Variants in HSD17B12 observed in about 807,000 individuals in gnomAD.
HSD17B12 encodes hydroxysteroid 17-beta dehydrogenase 12.
A neutral mutation model predicts 39.3 loss-of-function variants in HSD17B12; 32 were observed. That is an observed-to-expected ratio of 0.81 (90% CI 0.61 to 1.09). The LOEUF (loss-of-function observed/expected upper bound fraction) is 1.09. Ranked by LOEUF, HSD17B12 falls within the 50% of genes least tolerant of loss-of-function variation. The probability of loss-of-function intolerance (pLI) is 0.00; values close to 1 mark genes in which losing one functional copy is unlikely to be tolerated. For synonymous variants in HSD17B12, 150 were observed against 146.7 expected (o/e 1.02, Z -0.16); for missense variants, 342 against 382.9 (o/e 0.89, Z 0.89).
the HSD17B12 span, among the ~76,000 whole-genome samples, chr11:43,584,409 G>T: frequency 6.6e-6 from 1 of 152,176 alleles, no homozygotes; most frequent in African/African-American, 2.4e-5. Context: ...TCCATGCCTT[G>T]GTAGCTCTTG....
At chr11:43,567,384 A>G in the HSD17B12 span, among the ~76,000 whole-genome samples, 1 of 152,184 alleles carries the variant, frequency 6.6e-6, no homozygotes, top group Admixed American at 6.5e-5. Context: ...CATGGGACTC[A>G]AGATGTCTCT....
At chr11:43,571,932 C>T in the HSD17B12 span, among the ~76,000 whole-genome samples, 2 of 152,306 alleles carry the variant, frequency 1.3e-5, no homozygotes, top group African/African-American at 4.8e-5. Context: ...CTACCCCCAC[C>T]GTGCTAATGG....
chr11:43,566,542 T>A, the HSD17B12 span, among the ~76,000 whole-genome samples: 1 of 152,174 alleles, frequency 6.6e-6, no homozygotes, highest in Non-Finnish European at 1.5e-5. Flanking sequence ...AACTTTTTTT[T>A]TTTTTTAGAT....
intron 1 of HSD17B12, among the ~76,000 whole-genome samples, chr11:43,743,790 G>A (rs1236085644): frequency 2.0e-5 from 3 of 152,128 alleles, no homozygotes; most frequent in Admixed American, 6.5e-5. Context: ...CCTCACCTAT[G>A]AACTCTAATC....
At chr11:43,592,695 C>G in the HSD17B12 span, among the ~76,000 whole-genome samples, 3 of 152,252 alleles carry the variant, frequency 2.0e-5, 1 homozygote, top group African/African-American at 7.2e-5. Flanking sequence ...TTTTTGAATA[C>G]ACGGGTCTTT....
intron 6 of HSD17B12, among the ~76,000 whole-genome samples, chr11:43,822,630 C>G (rs113883990): frequency 0.019 from 2,838 of 152,162 alleles, 82 homozygotes; most frequent in African/African-American, 0.05. Context: ...ATGGTTTCCA[C>G]CTTCATCCAT....
chr11:43,705,557 T>C (rs960902219), intron 1 of HSD17B12, among the ~76,000 whole-genome samples: 4 of 152,178 alleles, frequency 2.6e-5, no homozygotes, highest in African/African-American at 9.6e-5. Context: ...CTGTCCTTTG[T>C]GCATATTTCT....
At chr11:43,813,913 T>C (rs1474702726) in intron 4 of HSD17B12, among the ~76,000 whole-genome samples, 1 of 152,198 alleles carries the variant, frequency 6.6e-6, no homozygotes, top group Non-Finnish European at 1.5e-5. Flanking sequence ...TCTTGCAACT[T>C]ACAGCCTCAA....
chr11:43,666,860 A>G, the HSD17B12 span, among the ~76,000 whole-genome samples: 1 of 152,352 alleles, frequency 6.6e-6, no homozygotes, highest in South Asian at 2.1e-4. Flanking sequence ...CACTCTTAAG[A>G]GTTGAGAATG....
intron 1 of HSD17B12, among the ~76,000 whole-genome samples, chr11:43,749,666 T>C (rs1950447330): frequency 6.6e-6 from 1 of 151,568 alleles, no homozygotes; most frequent in African/African-American, 2.4e-5. Flanking sequence ...TGGAAAGATA[T>C]CAGCTAAGCA....
rs116986404 is a variant in HSD17B12 at position 43,740,242 on chromosome 11, C to T, written c.161-10669C>T. On this transcript the variant is annotated intron_variant, in intron 1 of 10. Transcript: ENST00000278353. The stretch of plus-strand genomic sequence containing the variant: ...GAGGAGGGATGAAAGATTCCTCGTA[C>T]AAGTCCTTGTGTTTGGGATGATAGC... 5.0e-3 allele frequency among the ~76,000 whole-genome samples: 766 copies of T among 152,242 alleles called. 7 individuals carry two copies. The highest frequency in any genetic ancestry group is 0.045 in the East Asian group (231 of 5,180).
chr11:43,796,844 C>CT (rs11437673), intron 3 of HSD17B12, among the ~76,000 whole-genome samples: 95,308 of 150,178 alleles, frequency 0.63, 30,587 homozygotes, highest in East Asian at 0.7. Flanking sequence ...TGTTTTGGGG[C>CT]TTTTTTTTTC....
intron 1 of HSD17B12, among the ~76,000 whole-genome samples, chr11:43,740,239 G>A (rs138258138): frequency 2.6e-5 from 4 of 152,174 alleles, no homozygotes; most frequent in South Asian, 2.1e-4. Context: ...AAGATTCCTC[G>A]TACAAGTCCT....
rs772112680 is a variant in HSD17B12, at chr11:43,719,392, C to T, written c.161-31519C>T. Among the ~76,000 whole-genome samples the T allele has an allele frequency of 1.2e-4, 19 of 152,100 alleles. 1 individual carries two copies. Among genetic ancestry groups the T allele is most frequent in the Non-Finnish European group, 2.5e-4 (17 of 68,022 alleles). The stretch of plus-strand genomic sequence containing the variant: ...GAAAACCAGAACTCAGAACTTGCCT[C>T]CATGGTTGAGGGTAACAAGAAGCTT... On this transcript the variant is annotated intron_variant, in intron 1 of 10. Transcript: ENST00000278353.
the HSD17B12 span, among the ~76,000 whole-genome samples, chr11:43,587,097 T>C: frequency 1.3e-5 from 2 of 152,220 alleles, no homozygotes; most frequent in African/African-American, 2.4e-5. Context: ...ATTTATGAAC[T>C]TAAAGAAGCA....
At chr11:43,630,413 G>C in the HSD17B12 span, among the ~76,000 whole-genome samples, 2 of 152,160 alleles carry the variant, frequency 1.3e-5, no homozygotes, top group Non-Finnish European at 2.9e-5. Context: ...TTTGTAGGGT[G>C]CCCTTTTGTT....
chr11:43,713,779 C>T (rs1202590475), intron 1 of HSD17B12, among the ~76,000 whole-genome samples: 1 of 152,200 alleles, frequency 6.6e-6, no homozygotes, highest in East Asian at 1.9e-4. Flanking sequence ...CACATCCTCT[C>T]CAGCACCTGT....
chr11:43,650,369 C>T, the HSD17B12 span, among the ~76,000 whole-genome samples: 31 of 152,208 alleles, frequency 2.0e-4, no homozygotes, highest in Non-Finnish European at 3.8e-4. Flanking sequence ...TGAAAAGGTA[C>T]GCTCAAACTC....
At chr11:43,806,899 T>G (rs946479318) in intron 4 of HSD17B12, among the ~76,000 whole-genome samples, 1 of 152,220 alleles carries the variant, frequency 6.6e-6, no homozygotes, top group Non-Finnish European at 1.5e-5. Flanking sequence ...TTTGATTATA[T>G]GAATGTACCA....
Sources: gnomAD v4.1 joint callset for allele counts (sites outside exome capture counted in the v4.1 genomes callset) on GRCh38, gnomAD v4.1.1 for gene constraint, MANE v1.5 for transcripts, NCBI Gene and HGNC (gene_info 2026-07-23, HGNC 2026-07-21) for gene names.